GMDS: variants seen among roughly 807,000 people sequenced by gnomAD.
GMDS encodes GDP-mannose 4,6 dehydratase.
Under a neutral mutation model 49.9 loss-of-function variants are expected in GMDS, and 20 were observed. That is an observed-to-expected ratio of 0.40 (90% CI 0.28 to 0.58). The LOEUF (loss-of-function observed/expected upper bound fraction) is 0.58. Among genes scored for constraint, GMDS ranks in the 20% least tolerant of loss-of-function variants. The pLI is 0.42. For missense variants in GMDS, 362 were observed against 481.4 expected (o/e 0.75, Z 2.32); for synonymous variants, 177 against 178.6 (o/e 0.99, Z 0.07).
chr6:2,005,265 A>AT (rs1767086625), intron 4 of GMDS, among the ~76,000 whole-genome samples: 1 of 152,154 alleles, frequency 6.6e-6, no homozygotes, highest in African/African-American at 2.4e-5. Context: ...GCCTCGTGCA[A>AT]TATGTTAAGT....
chr6:2,238,184 C>G (rs1781453846), intron 1 of GMDS, among the ~76,000 whole-genome samples: 1 of 140,408 alleles, frequency 7.1e-6, no homozygotes, highest in African/African-American at 2.7e-5. Flanking sequence ...GCCAGGAGTT[C>G]AAGACTAGCC....
intron 7 of GMDS, among the ~76,000 whole-genome samples, chr6:1,796,325 T>C (rs546220653): frequency 6.6e-6 from 1 of 152,310 alleles, no homozygotes; most frequent in African/African-American, 2.4e-5. Context: ...TTCAGTATGA[T>C]AGATCTTCAA....
chr6:2,214,032 A>G (rs1422591166), intron 1 of GMDS, among the ~76,000 whole-genome samples: 1 of 152,238 alleles, frequency 6.6e-6, no homozygotes, highest in Middle Eastern at 3.2e-3. Context: ...CTCTTGTCAT[A>G]CCAGAAAGCA....
At chr6:1,888,946 G>A (rs970375249) in intron 7 of GMDS, among the ~76,000 whole-genome samples, 1 of 152,176 alleles carries the variant, frequency 6.6e-6, no homozygotes, top group Non-Finnish European at 1.5e-5. Flanking sequence ...CTCACATCAA[G>A]GTCACACTAA....
At chr6:2,205,085 T>C (rs1170446161) in intron 1 of GMDS, among the ~76,000 whole-genome samples, 1 of 152,212 alleles carries the variant, frequency 6.6e-6, no homozygotes, top group Non-Finnish European at 1.5e-5. Context: ...GATATTGTCC[T>C]AAACCCTTTA....
intron 7 of GMDS, among the ~76,000 whole-genome samples, chr6:1,862,356 C>G (rs1347155004): frequency 6.6e-6 from 1 of 151,238 alleles, no homozygotes; most frequent in Non-Finnish European, 1.5e-5. Context: ...CAAGAGGTAT[C>G]AGGAAAAGAC....
intron 9 of GMDS, chr6:1,624,824 A>G: frequency 5.6e-6 from 1 of 179,980 alleles, no homozygotes; most frequent in East Asian, 1.2e-4. Flanking sequence ...TGGGCTCTTA[A>G]TGCTTTTTTT....
intron 1 of GMDS, among the ~76,000 whole-genome samples, chr6:2,162,658 CAACA>C (rs776319983): frequency 9.8e-6 from 1 of 102,004 alleles, no homozygotes; most frequent in Non-Finnish European, 2.0e-5. Flanking sequence ...CATAACATTC[CAACA>C]CACACACACA....
intron 7 of GMDS, among the ~76,000 whole-genome samples, chr6:1,862,282 AATT>A (rs1285958840): frequency 1.3e-5 from 2 of 152,208 alleles, no homozygotes; most frequent in Admixed American, 1.3e-4. Context: ...TAGAAATAAA[AATT>A]ATTTTGTTTA....
intron 4 of GMDS, among the ~76,000 whole-genome samples, chr6:2,034,181 T>C (rs1769144422): frequency 6.6e-6 from 1 of 152,204 alleles, no homozygotes; most frequent in African/African-American, 2.4e-5. Context: ...TAAACTTCTT[T>C]AGTTTACGGA....
At chr6:1,875,358 G>C (rs1758986877) in intron 7 of GMDS, among the ~76,000 whole-genome samples, 1 of 149,762 alleles carries the variant, frequency 6.7e-6, no homozygotes, top group Admixed American at 6.6e-5. Context: ...ACACGGACTG[G>C]AAAGATATGT....
intron 6 of GMDS, among the ~76,000 whole-genome samples, chr6:1,937,223 C>T (rs969790559): frequency 1.3e-5 from 2 of 152,122 alleles, no homozygotes; most frequent in Admixed American, 6.5e-5. Flanking sequence ...CCTAATGATG[C>T]ATTTCTCAGA....
intron 7 of GMDS, among the ~76,000 whole-genome samples, chr6:1,876,265 A>G (rs970099641): frequency 2.0e-5 from 3 of 152,128 alleles, no homozygotes; most frequent in Non-Finnish European, 4.4e-5. Flanking sequence ...TCTCAAAAAA[A>G]AAAAATTCTG....
intron 6 of GMDS, among the ~76,000 whole-genome samples, chr6:1,951,239 T>C (rs1019002170): frequency 6.6e-6 from 1 of 152,240 alleles, no homozygotes; most frequent in East Asian, 1.9e-4. Flanking sequence ...TGAAGATTAA[T>C]TTATAAAGAT....
intron 4 of GMDS, among the ~76,000 whole-genome samples, chr6:2,079,076 G>A (rs1349451768): frequency 1.2e-5 from 1 of 86,204 alleles, no homozygotes; most frequent in Non-Finnish European, 2.4e-5. Context: ...TGTTTTATCT[G>A]ACATAAGTAT....
intron 1 of GMDS, among the ~76,000 whole-genome samples, chr6:2,141,232 C>T (rs1581704354): frequency 6.6e-6 from 1 of 152,290 alleles, no homozygotes; most frequent in East Asian, 1.9e-4. Flanking sequence ...GTAAGAAGCA[C>T]CTGGCCAGTA....
At chr6:1,911,064 A>G (rs765673246) in intron 7 of GMDS, among the ~76,000 whole-genome samples, 1 of 152,220 alleles carries the variant, frequency 6.6e-6, no homozygotes, top group Non-Finnish European at 1.5e-5. Context: ...TGGAGGGGCT[A>G]GTTCTGAAGC....
intron 1 of GMDS, among the ~76,000 whole-genome samples, chr6:2,173,422 A>G (rs1778116926): frequency 6.6e-6 from 1 of 152,220 alleles, no homozygotes; most frequent in Non-Finnish European, 1.5e-5. Flanking sequence ...TTTAACTAAT[A>G]CCAGATGCTT....
chr6:1,811,571 T>TC (rs1202065236), intron 7 of GMDS, among the ~76,000 whole-genome samples: 2 of 151,584 alleles, frequency 1.3e-5, no homozygotes, highest in African/African-American at 4.8e-5. Context: ...TTTTTTTTTT[T>TC]TTCAACTGAA....
Sources: gnomAD v4.1 joint callset for allele counts (sites outside exome capture counted in the v4.1 genomes callset) on GRCh38, gnomAD v4.1.1 for gene constraint, MANE v1.5 for transcripts, NCBI Gene and HGNC (gene_info 2026-07-23, HGNC 2026-07-21) for gene names.